The following CNTN5 variants were observed in gnomAD, a reference collection of about 807,000 sequenced individuals.
CNTN5 encodes contactin 5.
In CNTN5, 77 loss-of-function variants were observed where a neutral mutation model predicts 129.1. That is an observed-to-expected ratio of 0.60 (90% CI 0.50 to 0.72). The LOEUF is 0.72. CNTN5 is among the 30% of genes least tolerant of loss of function. The pLI is 0.00. For missense variants in CNTN5, 1,478 were observed against 1,328.8 expected (o/e 1.11, Z -1.75); for synonymous variants, 509 against 465.6 (o/e 1.09, Z -1.20).
intron 15 of CNTN5, among the ~76,000 whole-genome samples, chr11:100,196,848 G>C (rs2138529900): frequency 6.6e-6 from 1 of 152,026 alleles, no homozygotes; most frequent in South Asian, 2.1e-4. Context: ...AATGTGATAA[G>C]CTAGTGAGTA....
intron 13 of CNTN5, among the ~76,000 whole-genome samples, chr11:100,105,410 CCGGT>C (rs1945391152): frequency 6.6e-6 from 1 of 152,172 alleles, no homozygotes. Flanking sequence ...TGTGAGACTT[CCGGT>C]ACATCAAAGA....
Position 99,471,843 on chromosome 11 carries a change from C to T in CNTN5, c.-70-84302C>T, listed in dbSNP as rs1565210599. 1.1e-4 allele frequency among the ~76,000 whole-genome samples: 17 copies of T among 152,032 alleles called. 1 individual carries two copies. Among genetic ancestry groups the T allele is most frequent in the Admixed American group, 1.0e-3 (16 of 15,250 alleles). ...CCTTTTCCCAGAAAGATTATAATGT[C>T]CAATCACTCAGAAATTATATCTCTG... On this transcript the variant is annotated intron_variant, in intron 2 of 24. Transcript: ENST00000524871.
At chr11:99,096,730 A>T in intron 1 of CNTN5, among the ~76,000 whole-genome samples, 1 of 151,506 alleles carries the variant, frequency 6.6e-6, no homozygotes, top group Non-Finnish European at 1.5e-5. Context: ...AAGCATTCCA[A>T]TTTTTTTTCA....
At chr11:100,015,660 T>C (rs1435964712) in intron 9 of CNTN5, among the ~76,000 whole-genome samples, 1 of 152,144 alleles carries the variant, frequency 6.6e-6, no homozygotes, top group Admixed American at 6.6e-5. Context: ...AATTTTATTG[T>C]TGTGATTGTT....
intron 1 of CNTN5, among the ~76,000 whole-genome samples, chr11:99,110,362 G>T (rs1857730468): frequency 6.6e-6 from 1 of 152,114 alleles, no homozygotes; most frequent in Non-Finnish European, 1.5e-5. Context: ...TGCTGATTTA[G>T]TATGGAATAT....
intron 1 of CNTN5, among the ~76,000 whole-genome samples, chr11:99,179,558 T>C (rs1428532691): frequency 1.3e-5 from 2 of 152,306 alleles, no homozygotes; most frequent in South Asian, 2.1e-4. Context: ...GTTAATGTAA[T>C]TTTATGGTTA....
chr11:99,119,939 C>T (rs1858226669), intron 1 of CNTN5, among the ~76,000 whole-genome samples: 1 of 151,886 alleles, frequency 6.6e-6, no homozygotes, highest in Non-Finnish European at 1.5e-5. Flanking sequence ...GAAAAGTATT[C>T]ATGTATTTTG....
At chr11:99,524,282 A>G (rs1947402026) in intron 2 of CNTN5, among the ~76,000 whole-genome samples, 1 of 152,174 alleles carries the variant, frequency 6.6e-6, no homozygotes, top group African/African-American at 2.4e-5. Flanking sequence ...TTCTGATTAT[A>G]CAAGTTTGTT....
intron 3 of CNTN5, among the ~76,000 whole-genome samples, chr11:99,784,886 G>A (rs930960568): frequency 1.5e-5 from 2 of 136,196 alleles, no homozygotes; most frequent in Non-Finnish European, 3.1e-5. Flanking sequence ...TGCAACCTCC[G>A]CCTCCCAGGT....
chr11:99,214,451 CCTAGA>C (rs1860016505), intron 1 of CNTN5, among the ~76,000 whole-genome samples: 2 of 147,296 alleles, frequency 1.4e-5, no homozygotes, highest in Admixed American at 6.7e-5. Context: ...GGAGTTTTTA[CCTAGA>C]CTAGTTACCA....
intron 21 of CNTN5, chr11:100,336,800 T>C (rs747731184): frequency 1.4e-5 from 5 of 364,438 alleles, no homozygotes; most frequent in African/African-American, 2.1e-5. Flanking sequence ...TGAGGTGTTC[T>C]GCGACTTCCC....
chr11:99,961,736 A>G (rs904613571), intron 8 of CNTN5, among the ~76,000 whole-genome samples: 10 of 152,188 alleles, frequency 6.6e-5, no homozygotes, highest in Non-Finnish European at 1.3e-4. Flanking sequence ...CCGTGGAAAG[A>G]TGAAGTTTTA....
intron 16 of CNTN5, among the ~76,000 whole-genome samples, chr11:100,240,665 C>T (rs1436988727): frequency 6.6e-6 from 1 of 152,074 alleles, no homozygotes; most frequent in Non-Finnish European, 1.5e-5. Context: ...TCTTGTAGAA[C>T]ATGTTGGTTT....
At chr11:99,833,853 C>A (rs1374087964) in intron 4 of CNTN5, among the ~76,000 whole-genome samples, 1 of 152,104 alleles carries the variant, frequency 6.6e-6, no homozygotes, top group Non-Finnish European at 1.5e-5. Context: ...CTCAGTGATT[C>A]CCAGTTGCTG....
At chr11:99,723,931 C>T (rs1565462841) in intron 3 of CNTN5, among the ~76,000 whole-genome samples, 2 of 152,148 alleles carry the variant, frequency 1.3e-5, no homozygotes, top group Non-Finnish European at 1.5e-5. Flanking sequence ...AGAATTCCAG[C>T]CCAAGTCAGT....
chr11:99,394,538 G>T (rs796544801), intron 2 of CNTN5, among the ~76,000 whole-genome samples: 3 of 151,396 alleles, frequency 2.0e-5, no homozygotes, highest in African/African-American at 7.2e-5. Context: ...ATGTTTTATT[G>T]CCCTTTTTAA....
At chr11:99,464,859 C>T (rs891635460) in intron 2 of CNTN5, among the ~76,000 whole-genome samples, 2 of 152,082 alleles carry the variant, frequency 1.3e-5, no homozygotes, top group African/African-American at 4.8e-5. Flanking sequence ...TGGTAACCAA[C>T]TCATTTCACC....
At chr11:99,437,235 A>G (rs1943634733) in intron 2 of CNTN5, among the ~76,000 whole-genome samples, 1 of 152,208 alleles carries the variant, frequency 6.6e-6, no homozygotes, top group African/African-American at 2.4e-5. Context: ...CTTCAATTAT[A>G]AAAATACCTG....
At chr11:99,480,854 CT>C (rs1945569628) in intron 2 of CNTN5, among the ~76,000 whole-genome samples, 1 of 152,088 alleles carries the variant, frequency 6.6e-6, no homozygotes, top group Non-Finnish European at 1.5e-5. Flanking sequence ...ATCAGGGCAT[CT>C]TTTACCCTAC....
Sources: gnomAD v4.1 joint callset for allele counts (sites outside exome capture counted in the v4.1 genomes callset) on GRCh38, gnomAD v4.1.1 for gene constraint, MANE v1.5 for transcripts, NCBI Gene and HGNC (gene_info 2026-07-23, HGNC 2026-07-21) for gene names.